CACNB4: variants seen among roughly 807,000 people sequenced by gnomAD.
The protein encoded by CACNB4 is calcium voltage-gated channel auxiliary subunit beta 4, also known as voltage-dependent L-type calcium channel subunit beta-4.
In CACNB4, 32 loss-of-function variants were observed where a neutral mutation model predicts 71.2. The ratio of observed to expected loss-of-function variants is 0.45; its 90% CI spans 0.34 to 0.60. The LOEUF (loss-of-function observed/expected upper bound fraction) is 0.60, where lower values mean the gene tolerates loss of function less well. Ranked by LOEUF, CACNB4 falls within the 20% of genes least tolerant of loss-of-function variation. The pLI is 0.01. For missense variants in CACNB4, 464 were observed against 647.9 expected, an observed-to-expected ratio of 0.72 and a Z score of 3.08; for synonymous variants, 231 against 236.9, an observed-to-expected ratio of 0.97 and a Z score of 0.23.
intron 2 of CACNB4, among the ~76,000 whole-genome samples, chr2:151,979,530 C>T (rs2099874368): frequency 6.6e-6 from 1 of 151,872 alleles, no homozygotes; most frequent in African/African-American, 2.4e-5. Flanking sequence ...GAATGCTACC[C>T]AACTTTACTT....
At chr2:151,892,099 G>A (rs13421962) in intron 2 of CACNB4, among the ~76,000 whole-genome samples, 32,306 of 152,064 alleles carry the variant, frequency 0.21, 3,651 homozygotes, top group Middle Eastern at 0.38. Flanking sequence ...AGAAAATCCT[G>A]AATATGCTGC....
intron 2 of CACNB4, among the ~76,000 whole-genome samples, chr2:152,094,431 T>A (rs1346401431): frequency 1.3e-5 from 2 of 152,198 alleles, no homozygotes; most frequent in Admixed American, 1.3e-4. Flanking sequence ...GCTGGCCTCA[T>A]AAGAGCAGAC....
intron 2 of CACNB4, among the ~76,000 whole-genome samples, chr2:151,909,133 T>C (rs930793484): frequency 1.3e-5 from 2 of 148,184 alleles, no homozygotes; most frequent in African/African-American, 4.9e-5. Context: ...ATTTCTTCTT[T>C]AAAAAAGAGG....
intron 2 of CACNB4, chr2:151,972,706 G>GA (rs2099872920): frequency 7.2e-6 from 1 of 138,596 alleles, no homozygotes; most frequent in Non-Finnish European, 1.6e-5. Flanking sequence ...TTTGTTTTTT[G>GA]TTTTTTTTTT....
At chr2:152,081,091 T>C (rs1466456656) in intron 2 of CACNB4, among the ~76,000 whole-genome samples, 1 of 152,200 alleles carries the variant, frequency 6.6e-6, no homozygotes, top group Non-Finnish European at 1.5e-5. Flanking sequence ...TTTATAGCAA[T>C]GCCAACAGTC....
intron 2 of CACNB4, among the ~76,000 whole-genome samples, chr2:151,979,007 G>A (rs2099874258): frequency 6.6e-6 from 1 of 151,960 alleles, no homozygotes. Flanking sequence ...TCTGTACCTG[G>A]GTGTACCCAG....
intron 5 of CACNB4, 33 bp from the exon 6 acceptor site, chr2:151,872,526 C>T (rs752445027): frequency 8.5e-7 from 1 of 1,174,490 alleles, no homozygotes; most frequent in South Asian, 1.3e-5. Flanking sequence ...AAGACTCACT[C>T]CCCAGATTCT....
At chr2:151,878,903 C>A (rs555873151) in intron 4 of CACNB4, among the ~76,000 whole-genome samples, 88 of 152,048 alleles carry the variant, frequency 5.8e-4, no homozygotes, top group Non-Finnish European at 9.7e-4. Context: ...AGAGCGAGAA[C>A]CTGTCTCCAA....
At chr2:151,982,139 G>T (rs951920447) in intron 2 of CACNB4, among the ~76,000 whole-genome samples, 1 of 152,128 alleles carries the variant, frequency 6.6e-6, no homozygotes, top group Admixed American at 6.5e-5. Flanking sequence ...ATGACTAAAA[G>T]CTCCAGTATT....
At chr2:151,954,866 T>TTG (rs1439884588) in intron 2 of CACNB4, among the ~76,000 whole-genome samples, 4 of 145,618 alleles carry the variant, frequency 2.7e-5, no homozygotes, top group African/African-American at 7.6e-5. Flanking sequence ...TTTTTTTTTT[T>TTG]TTTTTGAGAT....
chr2:151,893,742 T>C (rs1455256890), intron 2 of CACNB4, among the ~76,000 whole-genome samples: 1 of 152,016 alleles, frequency 6.6e-6, no homozygotes, highest in South Asian at 2.1e-4. Flanking sequence ...TCTGACTACA[T>C]AAAAATCTTA....
intron 2 of CACNB4, among the ~76,000 whole-genome samples, chr2:151,910,008 A>G (rs2151532485): frequency 6.6e-6 from 1 of 152,268 alleles, no homozygotes; most frequent in Middle Eastern, 3.4e-3. Context: ...AACAGTGTAA[A>G]AGCGTTCCTA....
chr2:151,970,670 T>C (rs1184954028), intron 2 of CACNB4: 1 of 152,194 alleles, frequency 6.6e-6, no homozygotes, highest in Non-Finnish European at 1.5e-5. Context: ...AGCTCTTATA[T>C]AGCAGCTAAT....
intron 2 of CACNB4, among the ~76,000 whole-genome samples, chr2:152,071,317 T>C (rs893203304): frequency 2.0e-5 from 3 of 152,176 alleles, no homozygotes; most frequent in African/African-American, 7.2e-5. Flanking sequence ...ATTTTGTAAG[T>C]AGAATTTTTA....
intron 2 of CACNB4, among the ~76,000 whole-genome samples, chr2:151,903,662 C>T (rs896659195): frequency 2.0e-5 from 3 of 152,220 alleles, no homozygotes; most frequent in Non-Finnish European, 4.4e-5. Flanking sequence ...ATGCTTCTCA[C>T]ACTTTTCCAA....
At chr2:152,025,665 GA>G (rs1207114260) in intron 2 of CACNB4, among the ~76,000 whole-genome samples, 1 of 152,160 alleles carries the variant, frequency 6.6e-6, no homozygotes, top group Non-Finnish European at 1.5e-5. Flanking sequence ...CTTCTAAAAG[GA>G]AAATAAACTT....
intron 2 of CACNB4, among the ~76,000 whole-genome samples, chr2:151,959,925 C>T (rs554498027): frequency 1.7e-4 from 26 of 152,292 alleles, no homozygotes; most frequent in African/African-American, 6.0e-4. Flanking sequence ...AATATTACAG[C>T]TGAACTGATG....
chr2:151,983,607 T>C (rs555715187), intron 2 of CACNB4, among the ~76,000 whole-genome samples: 1 of 148,882 alleles, frequency 6.7e-6, no homozygotes, highest in South Asian at 2.1e-4. Context: ...GTAAAAAAAA[T>C]CAAGGACCTC....
In CACNB4 at chr2:151,842,108, C is replaced by T; in HGVS notation, c.1117-20G>A. 6.2e-7 allele frequency: 1 copy of T among 1,606,836 alleles called. No individual in the cohort carries two copies. The highest frequency in any genetic ancestry group is 8.5e-7 in the Non-Finnish European group (1 of 1,174,008). On this transcript the variant is annotated intron_variant, in intron 12 of 13. Transcript: ENST00000539935. ...CATTTCCTGTAGATGACAAGAAAAT[C>T]CACTTTACTTCCATTTTAGGTTTTA... is the stretch of plus-strand genomic sequence containing the variant.
Sources: gnomAD v4.1 joint callset for allele counts (sites outside exome capture counted in the v4.1 genomes callset) on GRCh38, gnomAD v4.1.1 for gene constraint, MANE v1.5 for transcripts, NCBI Gene and HGNC (gene_info 2026-07-23, HGNC 2026-07-21) for gene names.